Variants in PSMA6 observed in about 807,000 individuals in gnomAD.
PSMA6 encodes proteasome subunit alpha type-6.
For synonymous variants in PSMA6, 88 were observed against 97.7 expected (o/e 0.90, Z 0.59); for missense variants, 170 against 294.8 (o/e 0.58, Z 3.10).
At chr14:35,293,534 G>A (rs1388206206) in intron 1 of PSMA6, among the ~76,000 whole-genome samples, 7 of 152,152 alleles carry the variant, frequency 4.6e-5, no homozygotes, top group Non-Finnish European at 8.8e-5. Context: ...GGAATCATAA[G>A]GAGAGAGTTG....
At chr14:35,307,705 G>T (rs1415121234) in intron 1 of PSMA6, among the ~76,000 whole-genome samples, 1 of 152,078 alleles carries the variant, frequency 6.6e-6, no homozygotes. Flanking sequence ...CTGCACTCCA[G>T]CCTGGGTGAC....
At chr14:35,292,325 T>A (rs533005703), upstream of PSMA6, 8 of 1,473,514 alleles carry the variant, frequency 5.4e-6, no homozygotes, top group African/African-American at 1.1e-4. Flanking sequence ...GTGCTCGAAC[T>A]GGCTCCAGAG....
At chr14:35,292,337 C>G, upstream of PSMA6, 7 of 1,505,640 alleles carry the variant, frequency 4.6e-6, no homozygotes, top group South Asian at 2.6e-5. Context: ...GCTCCAGAGC[C>G]GTGAGTTCGG....
upstream of PSMA6, chr14:35,292,315 G>C (rs1480048939): frequency 1.4e-6 from 2 of 1,458,536 alleles, no homozygotes; most frequent in Admixed American, 5.6e-5. Flanking sequence ...TCAGAGCTCA[G>C]TGCTCGAACT....
chr14:35,292,440 G>A lies in PSMA6; in HGVS notation c.-37G>A. On this transcript the variant is annotated 5_prime_UTR_variant, in exon 1 of 7. Transcript: ENST00000261479. ...GTGTGCCTGGTGCGGGAGCTACGGG[G>A]CCCAGGGATTGTGTTTAAAGTAGTG... 6.3e-7 allele frequency: 1 copy of A among 1,599,146 alleles called. No individual in the cohort carries two copies. Among genetic ancestry groups the A allele is most frequent in the African/African-American group, 1.3e-5 (1 of 74,404 alleles).
chr14:35,312,743 G>A (rs562967408), intron 4 of PSMA6, 138 bp from the exon 5 acceptor site: 1 of 686,154 alleles, frequency 1.5e-6, no homozygotes, highest in Non-Finnish European at 2.3e-6. Context: ...TATTTTATCA[G>A]TTTTCTTAAA....
chr14:35,292,237 C>T, upstream of PSMA6: 4 of 1,248,822 alleles, frequency 3.2e-6, no homozygotes, highest in Non-Finnish European at 4.1e-6. Flanking sequence ...AAGAGGCCTG[C>T]TTGGCGCAGG....
At chr14:35,296,022 C>A (rs1410914263) in intron 1 of PSMA6, among the ~76,000 whole-genome samples, 1 of 152,070 alleles carries the variant, frequency 6.6e-6, no homozygotes, top group East Asian at 1.9e-4. Context: ...ATTTGCTTGA[C>A]AGGTGTATGT....
At chr14:35,291,030 C>T (rs2051472675), upstream of PSMA6, among the ~76,000 whole-genome samples, 1 of 151,166 alleles carries the variant, frequency 6.6e-6, no homozygotes, top group Admixed American at 6.6e-5. Flanking sequence ...CTTCCTCTGT[C>T]GCCCAGGCTG....
chr14:35,297,125 T>TTG (rs1566554236), intron 1 of PSMA6, among the ~76,000 whole-genome samples: 1 of 144,176 alleles, frequency 6.9e-6, no homozygotes, highest in Non-Finnish European at 1.6e-5. Context: ...CAAAGTTTTT[T>TTG]TTTTTTTTTT....
chr14:35,303,269 A>T (rs1004344058), intron 1 of PSMA6, among the ~76,000 whole-genome samples: 2 of 152,108 alleles, frequency 1.3e-5, no homozygotes, highest in African/African-American at 4.8e-5. Flanking sequence ...GGTTTCTTTT[A>T]TCCTTAACTA....
intron 1 of PSMA6, among the ~76,000 whole-genome samples, chr14:35,295,744 G>T (rs945943082): frequency 6.6e-6 from 1 of 152,272 alleles, no homozygotes; most frequent in East Asian, 1.9e-4. Context: ...GAGCCATTGC[G>T]CTCGGCCTGA....
chr14:35,297,121 T>G (rs1210464109), intron 1 of PSMA6, among the ~76,000 whole-genome samples: 1 of 114,416 alleles, frequency 8.7e-6, no homozygotes, highest in East Asian at 2.0e-4. Context: ...TTAACAAAGT[T>G]TTTTTTTTTT....
In PSMA6 at chr14:35,292,436, C is replaced by CG; in HGVS notation, c.-37dup. 1.9e-6 allele frequency: 3 copies of CG among 1,592,884 alleles called. No homozygotes were observed. The highest frequency in any genetic ancestry group is 2.6e-6 in the Non-Finnish European group (3 of 1,169,856). On this transcript the variant is annotated 5_prime_UTR_variant, in exon 1 of 7. Transcript: ENST00000261479. ...GCTTGTGTGCCTGGTGCGGGAGCTACGGGGCCCAGGGATTGTGTTTAAAGT... is the reference window on the plus strand; with the variant it reads ...GCTTGTGTGCCTGGTGCGGGAGCTACGGGGGCCCAGGGATTGTGTTTAAAGT...
chr14:35,308,096 A>G lies in PSMA6; in HGVS notation c.171+8A>G, dbSNP rs1484197947. ...ACACAGAAGAAAGTACCTGTAAGTA[A>G]TACTGCCCAAATAGTTAATAATTGC... On this transcript the variant is annotated splice_region_variant and intron_variant, in intron 2 of 6. Transcript: ENST00000261479. The G allele has an allele frequency of 1.9e-6, 3 of 1,613,106 alleles. No homozygotes were observed. The highest frequency in any genetic ancestry group is 2.2e-5 in the South Asian group (2 of 91,076).
intron 1 of PSMA6, among the ~76,000 whole-genome samples, chr14:35,297,118 A>ATTTT (rs1491511712): frequency 1.2e-5 from 1 of 81,480 alleles, no homozygotes; most frequent in Non-Finnish European, 2.5e-5. Context: ...ATCTTAACAA[A>ATTTT]GTTTTTTTTT....
chr14:35,291,975 T>C (rs886332030), upstream of PSMA6, among the ~76,000 whole-genome samples: 12 of 152,272 alleles, frequency 7.9e-5, no homozygotes, highest in African/African-American at 2.6e-4. Flanking sequence ...CAGCTGCAGC[T>C]GCAACCTGTT....
chr14:35,281,793 G>A (rs2051368573), intron 1 of PSMA6, among the ~76,000 whole-genome samples: 1 of 152,078 alleles, frequency 6.6e-6, no homozygotes, highest in Non-Finnish European at 1.5e-5. Flanking sequence ...AATAGAGACA[G>A]GATCAGGTTG....
intron 1 of PSMA6, 110 bp downstream of exon 1, chr14:35,292,662 G>A: frequency 1.3e-6 from 2 of 1,521,404 alleles, no homozygotes; most frequent in Non-Finnish European, 8.8e-7. Context: ...CTGGGCTGGA[G>A]CTGGGAAGGG....
Sources: gnomAD v4.1 joint callset for allele counts (sites outside exome capture counted in the v4.1 genomes callset) on GRCh38, gnomAD v4.1.1 for gene constraint, MANE v1.5 for transcripts, NCBI Gene and HGNC (gene_info 2026-07-23, HGNC 2026-07-21) for gene names.